The following ERBB4 variants were observed in gnomAD, a reference collection of about 807,000 sequenced individuals.
ERBB4 encodes receptor tyrosine-protein kinase erbB-4.
Under a neutral mutation model 158.0 loss-of-function variants are expected in ERBB4, and 42 were observed. The observed-to-expected ratio is 0.27, with a 90% CI of 0.21 to 0.34. ERBB4 has a LOEUF of 0.34. Among genes scored for constraint, ERBB4 ranks in the 10% least tolerant of loss-of-function variants. The probability of loss-of-function intolerance (pLI) is 1.00; values close to 1 mark genes in which losing one functional copy is unlikely to be tolerated. For missense variants in ERBB4, 1,333 were observed against 1,624.1 expected (o/e 0.82, Z 3.08); for synonymous variants, 583 against 558.7 (o/e 1.04, Z -0.61).
At chr2:212,368,004 C>T (rs973731318) in intron 1 of ERBB4, among the ~76,000 whole-genome samples, 1 of 152,052 alleles carries the variant, frequency 6.6e-6, no homozygotes, top group Non-Finnish European at 1.5e-5. Context: ...CTAGTACAGC[C>T]ACTATAAAAA....
chr2:211,577,478 T>C (rs561185011), intron 19 of ERBB4, among the ~76,000 whole-genome samples: 3 of 152,278 alleles, frequency 2.0e-5, no homozygotes, highest in East Asian at 1.9e-4. Flanking sequence ...AGTATCATCC[T>C]GACACCAAAA....
chr2:211,635,165 C>A (rs929435712), intron 16 of ERBB4, among the ~76,000 whole-genome samples: 1 of 152,060 alleles, frequency 6.6e-6, no homozygotes, highest in Non-Finnish European at 1.5e-5. Flanking sequence ...GTATAAATTT[C>A]TAAGATCAAG....
intron 1 of ERBB4, among the ~76,000 whole-genome samples, chr2:212,529,382 T>C (rs1280098627): frequency 2.0e-5 from 3 of 152,322 alleles, no homozygotes; most frequent in East Asian, 3.9e-4. Context: ...ACCATATTTA[T>C]GGGTAGATTC....
chr2:211,934,276 A>G (rs1338872985), intron 3 of ERBB4, among the ~76,000 whole-genome samples: 3 of 152,010 alleles, frequency 2.0e-5, no homozygotes, highest in Non-Finnish European at 4.4e-5. Flanking sequence ...TAAAATATAT[A>G]GATCAACTTA....
chr2:212,520,142 T>C (rs1253062590), intron 1 of ERBB4, among the ~76,000 whole-genome samples: 1 of 151,942 alleles, frequency 6.6e-6, no homozygotes. Context: ...TTGTTAACAC[T>C]TCTGTCTTCT....
At chr2:211,665,220 A>T in intron 15 of ERBB4, 103 bp downstream of exon 15, 1 of 1,143,136 alleles carries the variant, frequency 8.7e-7, no homozygotes, top group Middle Eastern at 2.0e-4. Flanking sequence ...AAGGATTAGT[A>T]GAGTTCTATG....
intron 2 of ERBB4, among the ~76,000 whole-genome samples, chr2:212,082,336 A>G (rs1270555953): frequency 2.6e-5 from 4 of 152,066 alleles, no homozygotes; most frequent in Non-Finnish European, 5.9e-5. Context: ...CAAGGAGAAA[A>G]TTCAAGGAGA....
At chr2:211,468,631 C>T (rs1198958969) in intron 20 of ERBB4, among the ~76,000 whole-genome samples, 1 of 152,046 alleles carries the variant, frequency 6.6e-6, no homozygotes, top group Non-Finnish European at 1.5e-5. Flanking sequence ...GGTCTTTAGT[C>T]TAAGGACTTT....
At chr2:211,512,670 CTA>C (rs1308188815) in intron 20 of ERBB4, among the ~76,000 whole-genome samples, 2 of 152,134 alleles carry the variant, frequency 1.3e-5, no homozygotes, top group East Asian at 1.9e-4. Context: ...ATTTTCATTT[CTA>C]TGTCTTTAAA....
At chr2:212,419,275 ATGTAATCAC>A (rs1182581953) in intron 1 of ERBB4, among the ~76,000 whole-genome samples, 1 of 151,960 alleles carries the variant, frequency 6.6e-6, no homozygotes, top group African/African-American at 2.4e-5. Context: ...ATGCTGTAAC[ATGTAATCAC>A]TAGATTTGGA....
intron 20 of ERBB4, among the ~76,000 whole-genome samples, chr2:211,551,614 A>G (rs1031187803): frequency 6.6e-6 from 1 of 152,162 alleles, no homozygotes; most frequent in African/African-American, 2.4e-5. Flanking sequence ...TATGTTTTCT[A>G]TGATGTTAGT....
At chr2:211,883,572 G>C (rs556878086) in intron 3 of ERBB4, among the ~76,000 whole-genome samples, 1 of 152,226 alleles carries the variant, frequency 6.6e-6, no homozygotes, top group South Asian at 2.1e-4. Context: ...GAGGTCAGGA[G>C]TTCTAGACCA....
chr2:211,909,587 T>C (rs1425543417), intron 3 of ERBB4, among the ~76,000 whole-genome samples: 1 of 151,754 alleles, frequency 6.6e-6, no homozygotes, highest in Non-Finnish European at 1.5e-5. Flanking sequence ...ATAGAAAAAG[T>C]ACAGTAAAAT....
At chr2:211,976,598 A>C (rs2081612565) in intron 2 of ERBB4, among the ~76,000 whole-genome samples, 1 of 152,082 alleles carries the variant, frequency 6.6e-6, no homozygotes, top group Non-Finnish European at 1.5e-5. Context: ...AAAACAATTA[A>C]ATCTGCTTCA....
intron 1 of ERBB4, among the ~76,000 whole-genome samples, chr2:212,262,426 T>C (rs1478136096): frequency 6.6e-6 from 1 of 152,172 alleles, no homozygotes; most frequent in African/African-American, 2.4e-5. Flanking sequence ...CTCCTGTCTT[T>C]GGCCCTTTTT....
chr2:211,973,212 TC>T (rs138016120), intron 2 of ERBB4, among the ~76,000 whole-genome samples: 87,277 of 148,248 alleles, frequency 0.59, 27,333 homozygotes, highest in Non-Finnish European at 0.72. Context: ...TTCCTTTTTT[TC>T]TTTTTTGAAA....
chr2:211,977,927 T>C (rs904450266), intron 2 of ERBB4, among the ~76,000 whole-genome samples: 1 of 148,788 alleles, frequency 6.7e-6, no homozygotes, highest in Admixed American at 6.8e-5. Flanking sequence ...AAGGAAAATA[T>C]ATTCATATTT....
intron 4 of ERBB4, among the ~76,000 whole-genome samples, chr2:211,756,397 G>T (rs1032858109): frequency 6.6e-6 from 1 of 152,094 alleles, no homozygotes; most frequent in African/African-American, 2.4e-5. Flanking sequence ...AACTGTTTGG[G>T]GCCATAATGA....
intron 25 of ERBB4, among the ~76,000 whole-genome samples, chr2:211,396,139 A>C (rs2062911652): frequency 6.6e-6 from 1 of 152,136 alleles, no homozygotes; most frequent in African/African-American, 2.4e-5. Flanking sequence ...TCTCAATTTT[A>C]GGCTCTGTGT....
Sources: allele counts gnomAD v4.1 joint callset (sites outside exome capture counted in the v4.1 genomes callset), GRCh38; gene constraint gnomAD v4.1.1; transcripts MANE v1.5; gene names NCBI Gene and HGNC (gene_info 2026-07-23, HGNC 2026-07-21).